SLA: variants seen among roughly 807,000 people sequenced by gnomAD.
SLA encodes Src like adaptor.
In SLA, 16 loss-of-function variants were observed where a neutral mutation model predicts 30.3. The ratio of observed to expected loss-of-function variants is 0.53; its 90% CI spans 0.36 to 0.80. The LOEUF is 0.80. SLA is among the 30% of genes least tolerant of loss of function. The pLI, the probability that SLA is intolerant of heterozygous loss-of-function variation, is 0.01. For missense variants in SLA, 310 were observed against 345.2 expected (o/e 0.90, Z 0.81); for synonymous variants, 143 against 137.8 (o/e 1.04, Z -0.26).
chr8:133,101,302 C>T (rs1217192577), intron 1 of SLA, among the ~76,000 whole-genome samples: 1 of 152,182 alleles, frequency 6.6e-6, no homozygotes, highest in Non-Finnish European at 1.5e-5. Flanking sequence ...TGAGGAAACT[C>T]CTCTGGACTT....
chr8:133,052,500 T>C (rs1227024025), intron 3 of SLA, among the ~76,000 whole-genome samples: 1 of 152,174 alleles, frequency 6.6e-6, no homozygotes, highest in Non-Finnish European at 1.5e-5. Context: ...CTCTGACCTG[T>C]CCTGCTGCAG....
chr8:133,041,404 T>C (rs1838213762), intron 7 of SLA, among the ~76,000 whole-genome samples: 1 of 152,250 alleles, frequency 6.6e-6, no homozygotes, highest in African/African-American at 2.4e-5. Context: ...TCAGTCCGAC[T>C]TCAACTGTGA....
intron 2 of SLA, chr8:133,063,755 G>T (rs535499766): frequency 6.6e-6 from 1 of 152,318 alleles, no homozygotes; most frequent in East Asian, 1.9e-4. Flanking sequence ...AAAACCATCA[G>T]GTCTCAACAG....
At position 133,068,393 on chromosome 8, in the gene SLA, G is replaced by C. The variant is rs149675891; in HGVS notation, c.-41+6460C>G. Among the ~76,000 whole-genome samples, 1,498 of 152,330 alleles carry C rather than the reference G, an allele frequency of 9.8e-3. 24 individuals are homozygous for C. Among genetic ancestry groups the C allele is most frequent in the African/African-American group, 0.035 (1,438 of 41,572 alleles). On this transcript the variant is annotated intron_variant, in intron 2 of 8. Coordinates refer to ENST00000338087, the MANE Select transcript of SLA (RefSeq NM_001045556.3). ...TGGGCTTTATGCTAAGACCAGAAGG[G>C]GATGGAGGTGTCCTAGTGTACATTT...
rs142710471 is a variant in SLA at position 133,045,129 on chromosome 8, A to T, written c.353-14T>A. ...GTGAGTAAAACCCTGCAGGAGGTGG[A>T]GGATAAGTCAGTGGGCTCCACCTGT... On this transcript the variant is annotated splice_polypyrimidine_tract_variant and intron_variant, in intron 6 of 8. Coordinates refer to ENST00000338087, the MANE Select transcript of SLA (RefSeq NM_001045556.3). The T allele has an allele frequency of 9.4e-5, 152 of 1,613,816 alleles. 1 individual carries two copies. The East Asian group carries it at 3.3e-3, about 35-fold the overall frequency.
intron 7 of SLA, among the ~76,000 whole-genome samples, chr8:133,043,815 G>A (rs1452193924): frequency 6.6e-6 from 1 of 152,252 alleles, no homozygotes; most frequent in Non-Finnish European, 1.5e-5. Flanking sequence ...TGCCAACAAA[G>A]TTGCCCCAGT....
chr8:133,080,028 T>C (rs1447324596), intron 1 of SLA, among the ~76,000 whole-genome samples: 1 of 152,074 alleles, frequency 6.6e-6, no homozygotes, highest in African/African-American at 2.4e-5. Flanking sequence ...TCTCTGGGTA[T>C]GGAGTTAGAG....
intron 2 of SLA, among the ~76,000 whole-genome samples, chr8:133,062,164 C>T (rs1373406191): frequency 1.3e-5 from 2 of 152,192 alleles, no homozygotes; most frequent in Non-Finnish European, 2.9e-5. Context: ...AGAGGATGCC[C>T]TTGCAAATTT....
intron 2 of SLA, among the ~76,000 whole-genome samples, chr8:133,073,913 T>C (rs1049912557): frequency 2.0e-5 from 3 of 152,124 alleles, no homozygotes; most frequent in African/African-American, 7.2e-5. Flanking sequence ...TATAGGATTG[T>C]TCTGAGGATT....
At chr8:133,073,474 TG>T (rs1210031509) in intron 2 of SLA, among the ~76,000 whole-genome samples, 1 of 152,172 alleles carries the variant, frequency 6.6e-6, no homozygotes, top group Non-Finnish European at 1.5e-5. Flanking sequence ...GCGATTATCC[TG>T]TCTCGCCTCC....
At chr8:133,047,005 A>C (rs568508009) in intron 6 of SLA, 1 of 152,306 alleles carries the variant, frequency 6.6e-6, no homozygotes, top group East Asian at 1.9e-4. Context: ...AATTTTAAAA[A>C]AGTTATTATT....
At chr8:133,065,349 AGGTCTGCCTG>A (rs1363944063) in intron 2 of SLA, among the ~76,000 whole-genome samples, 1 of 152,268 alleles carries the variant, frequency 6.6e-6, no homozygotes, top group Non-Finnish European at 1.5e-5. Flanking sequence ...GATTCCAGCC[AGGTCTGCCTG>A]GCTCTAAAAC....
At chr8:133,096,488 C>A in intron 1 of SLA, 4 of 1,286,734 alleles carry the variant, frequency 3.1e-6, no homozygotes, top group South Asian at 1.3e-5. Flanking sequence ...CTACTGTGTG[C>A]AATGCCTATG....
chr8:133,050,784 A>G (rs766131093), intron 4 of SLA, 32 bp downstream of exon 4: 26 of 1,357,606 alleles, frequency 1.9e-5, no homozygotes, highest in Admixed American at 5.0e-5. Context: ...TCCTGCTTTG[A>G]AGATTGCACA....
Position 133,045,062 on chromosome 8 carries a change from G to A in SLA, c.406C>T (p.Arg136Cys), listed in dbSNP as rs200511116. 4.3e-6 allele frequency: 7 copies of A among 1,614,144 alleles called. No individual in the cohort carries two copies. Among genetic ancestry groups the A allele is most frequent in the South Asian group, 1.1e-5 (1 of 91,084 alleles). The change falls in exon 7 of 9, where the codon CGT becomes TGT. Residue 136 changes from arginine to cysteine, a missense_variant. Physicochemically the swap from Arg to Cys is radical, Grantham distance 180. Transcript: ENST00000338087. Reference protein sequence around the residue: ...HRQVKHYRIFRLPNNWYYISP... With the variant: ...HRQVKHYRIFCLPNNWYYISP... ...ATGTAGTACCAGTTGTTGGGCAGAC[G>A]GAAAATGCGGTAATGCTTTACCTGC...
chr8:133,071,476 A>G (rs1037697962), intron 2 of SLA, among the ~76,000 whole-genome samples: 2 of 152,140 alleles, frequency 1.3e-5, no homozygotes, highest in Non-Finnish European at 2.9e-5. Context: ...TTTGTGTGCT[A>G]GAGGGTTATG....
At chr8:133,070,648 T>C (rs1843861486) in intron 2 of SLA, among the ~76,000 whole-genome samples, 1 of 152,200 alleles carries the variant, frequency 6.6e-6, no homozygotes. Flanking sequence ...CTGTAAATCC[T>C]TTGTCTTTTT....
intron 3 of SLA, among the ~76,000 whole-genome samples, chr8:133,051,498 T>G (rs1471158086): frequency 6.6e-6 from 1 of 152,200 alleles, no homozygotes; most frequent in Non-Finnish European, 1.5e-5. Flanking sequence ...AACAAAATAC[T>G]TATTTCTTGC....
At chr8:133,060,995 G>A (rs929629264) in intron 2 of SLA, among the ~76,000 whole-genome samples, 2 of 151,190 alleles carry the variant, frequency 1.3e-5, no homozygotes, top group Admixed American at 1.3e-4. Flanking sequence ...GATGACTTCG[G>A]GCAAGTCATT....
Sources: allele counts gnomAD v4.1 joint callset (sites outside exome capture counted in the v4.1 genomes callset), GRCh38; gene constraint gnomAD v4.1.1; transcripts MANE v1.5; gene names NCBI Gene and HGNC (gene_info 2026-07-23, HGNC 2026-07-21).